The following EDNRA variants were observed in gnomAD, a reference collection of about 807,000 sequenced individuals.
EDNRA encodes endothelin receptor type A.
A neutral mutation model predicts 41.4 loss-of-function variants in EDNRA; 11 were observed. The ratio of observed to expected loss-of-function variants is 0.27; its 90% confidence interval spans 0.17 to 0.44. The LOEUF is 0.44. Ranked by LOEUF, EDNRA falls within the 20% of genes least tolerant of loss-of-function variation. The pLI, the probability that EDNRA is intolerant of heterozygous loss-of-function variation, is 1.00. For missense variants in EDNRA, 294 were observed against 531.0 expected, an observed-to-expected ratio of 0.55 and a Z score of 4.39; for synonymous variants, 172 against 183.0, an observed-to-expected ratio of 0.94 and a Z score of 0.49.
chr4:147,483,328 A>G (rs1171260344), intron 1 of EDNRA, among the ~76,000 whole-genome samples: 20 of 152,216 alleles, frequency 1.3e-4, no homozygotes, highest in Admixed American at 1.2e-3. Flanking sequence ...GTGTCCTGCC[A>G]TTTCTTGGCT....
At chr4:147,493,715 G>T (rs1186480734) in intron 2 of EDNRA, 2 of 152,076 alleles carry the variant, frequency 1.3e-5, no homozygotes, top group Non-Finnish European at 2.9e-5. Context: ...AACTGAATGT[G>T]TCATTCAGCA....
intron 2 of EDNRA, among the ~76,000 whole-genome samples, chr4:147,515,824 C>T (rs1416533869): frequency 6.6e-6 from 1 of 152,214 alleles, no homozygotes; most frequent in African/African-American, 2.4e-5. Flanking sequence ...CTCCATCTGG[C>T]TCTATCCATT....
intron 2 of EDNRA, among the ~76,000 whole-genome samples, chr4:147,502,601 G>A (rs1729553582): frequency 7.0e-6 from 1 of 143,262 alleles, no homozygotes; most frequent in Non-Finnish European, 1.5e-5. Flanking sequence ...ATGAATTGAA[G>A]TAGCTAAGTT....
intron 1 of EDNRA, among the ~76,000 whole-genome samples, chr4:147,483,275 TC>T (rs768925317): frequency 6.6e-6 from 1 of 152,332 alleles, no homozygotes; most frequent in Non-Finnish European, 1.5e-5. Flanking sequence ...TTGATATTTT[TC>T]CCATTTAATC....
chr4:147,539,954 T>C lies in EDNRA; in HGVS notation c.1034+4T>C. On this transcript the variant is annotated splice_donor_region_variant and intron_variant, in intron 6 of 7. Transcript: ENST00000651419. ...AGAACCGATGTGAATTACTTAGGTA[T>C]GATCCTGTGTACTCGCTAGAAAATT... The C allele has an allele frequency of 1.3e-6, 2 of 1,589,286 alleles. No homozygotes were observed. The highest frequency in any genetic ancestry group is 1.7e-6 in the Non-Finnish European group (2 of 1,173,454).
chr4:147,506,832 G>T, intron 2 of EDNRA: 1 of 178,768 alleles, frequency 5.6e-6, no homozygotes. Flanking sequence ...GATACTGGAA[G>T]GCTTGAACAC....
chr4:147,493,424 G>A (rs1229803147), intron 2 of EDNRA: 1 of 152,034 alleles, frequency 6.6e-6, no homozygotes, highest in Non-Finnish European at 1.5e-5. Flanking sequence ...TAAAGAGTGT[G>A]CAAACTAAAA....
At chr4:147,538,840 A>G (rs528120865) in intron 5 of EDNRA, among the ~76,000 whole-genome samples, 1 of 152,234 alleles carries the variant, frequency 6.6e-6, no homozygotes, top group East Asian at 1.9e-4. Context: ...TTAATGTTAT[A>G]TGTTTCAGGT....
At chr4:147,516,498 ATC>A in intron 2 of EDNRA, among the ~76,000 whole-genome samples, 1 of 152,322 alleles carries the variant, frequency 6.6e-6, no homozygotes. Context: ...TGAAAATATG[ATC>A]TGATTTAATG....
chr4:147,488,849 A>C (rs960711820), intron 2 of EDNRA: 4 of 152,128 alleles, frequency 2.6e-5, no homozygotes, highest in Non-Finnish European at 4.4e-5. Context: ...CCCATAGTAA[A>C]ATTCTGTGGG....
intron 5 of EDNRA, among the ~76,000 whole-genome samples, chr4:147,538,462 T>C (rs1165722649): frequency 1.3e-5 from 2 of 152,210 alleles, no homozygotes; most frequent in Non-Finnish European, 2.9e-5. Flanking sequence ...GAATGGATAT[T>C]GGTTAAGCAA....
chr4:147,543,804 C>G lies in EDNRA; in HGVS notation c.*1186C>G, dbSNP rs1731194460. 6.8e-6 allele frequency: 1 copy of G among 146,694 alleles called. No individual in the cohort carries two copies. The highest frequency in any genetic ancestry group is 2.5e-4 in the South Asian group (1 of 4,004). The allele number at this position is 146,694 out of a possible 1,614,324, so 9.1% of individuals were successfully genotyped here. A position where few individuals can be genotyped will look rare whatever the true frequency, so the allele number is the denominator to read the frequency against. ...TTATCATGTCAGTGAAAAATAATTACCCACAAATGCCACCAGAACTTACGA... is the reference window on the plus strand; with the variant it reads ...TTATCATGTCAGTGAAAAATAATTAGCCACAAATGCCACCAGAACTTACGA... On this transcript the variant is annotated 3_prime_UTR_variant, in exon 8 of 8. Transcript: ENST00000651419.
Position 147,481,950 on chromosome 4 carries a change from A to G in EDNRA, c.-71+574A>G, listed in dbSNP as rs139221591. On this transcript the variant is annotated intron_variant, in intron 1 of 7. Transcript: ENST00000651419. Reference sequence around the variant, plus strand: ...TGTTCTGTGCTCGCCTTTAAAGGACACTTGTTGCTTCTCACGTGCAGAAAA... The same window carrying G: ...TGTTCTGTGCTCGCCTTTAAAGGACGCTTGTTGCTTCTCACGTGCAGAAAA... 3.8e-3 allele frequency among the ~76,000 whole-genome samples: 579 copies of G among 152,260 alleles called. 3 individuals carry two copies. The highest frequency in any genetic ancestry group is 6.8e-3 in the Middle Eastern group (2 of 294).
In EDNRA at chr4:147,532,325, CAAAA is replaced by C. The variant is rs59851236; in HGVS notation, c.549-159_549-156del. Among the ~76,000 whole-genome samples, 364 of 60,384 alleles carry C rather than the reference CAAAA, an allele frequency of 6.0e-3. 2 individuals are homozygous for C. Among genetic ancestry groups the C allele is most frequent in the African/African-American group, 0.017 (272 of 15,944 alleles). 39.6% of individuals were successfully genotyped at this position (60,384 alleles called of 152,430 possible). A position where few individuals can be genotyped will look rare whatever the true frequency, so the allele number is the denominator to read the frequency against. ...TGAGCAACAGAGCGAGATTTTGCCT[CAAAA>C]AAAAAAAAAAAAAAAAAAAAACCCA... On this transcript the variant is annotated intron_variant, in intron 3 of 7. Coordinates refer to ENST00000651419, the MANE Select transcript of EDNRA (RefSeq NM_001957.4).
At chr4:147,505,325 T>C (rs1729659834) in intron 2 of EDNRA, among the ~76,000 whole-genome samples, 1 of 137,122 alleles carries the variant, frequency 7.3e-6, no homozygotes, top group Non-Finnish European at 1.5e-5. Flanking sequence ...GTTTCTTTTT[T>C]CATTTTTTTT....
rs1283738737 is a variant in EDNRA at position 147,490,142 on chromosome 4, TACACTCAC to T, written c.420+4046_420+4053del. Reference sequence around the variant, plus strand: ...GAAGTTCCTATAGCCCTTGCTTACATACACTCACACACACACACACACACACACACACA... The same window carrying T: ...GAAGTTCCTATAGCCCTTGCTTACATACACACACACACACACACACACACA... On this transcript the variant is annotated intron_variant, in intron 2 of 7. Coordinates refer to ENST00000651419, the MANE Select transcript of EDNRA (RefSeq NM_001957.4). The T allele has an allele frequency of 6.2e-5, 7 of 113,596 alleles. No homozygotes were observed. The East Asian group carries it at 1.4e-3, about 22-fold the overall frequency. The allele number at this position is 113,596 out of a possible 1,614,324, so 7.0% of individuals were successfully genotyped here. A position where few individuals can be genotyped will look rare whatever the true frequency, so the allele number is the denominator to read the frequency against.
chr4:147,518,082 A>G (rs1056651817), intron 2 of EDNRA, among the ~76,000 whole-genome samples: 2 of 152,196 alleles, frequency 1.3e-5, no homozygotes, highest in African/African-American at 4.8e-5. Flanking sequence ...TCCAGAGTAT[A>G]TCCCATAACC....
chr4:147,482,282 A>T (rs1313395750), intron 1 of EDNRA, among the ~76,000 whole-genome samples: 1 of 152,242 alleles, frequency 6.6e-6, no homozygotes, highest in East Asian at 1.9e-4. Flanking sequence ...TACCAATTAC[A>T]GGTGAACTTT....
Position 147,485,990 on chromosome 4 carries a change from G to A in EDNRA, c.309G>A (p.Arg103=), listed in dbSNP as rs1728934027. ...VGMVGNATLL[R]IIYQNKCMRN... is the part of the protein sequence containing the mutation. Reference sequence around the variant, plus strand: ...TGGTGGGGAATGCAACTCTGCTCAGGATCATTTACCAGAACAAATGTATGA... The same window carrying A: ...TGGTGGGGAATGCAACTCTGCTCAGAATCATTTACCAGAACAAATGTATGA... Residue 103 remains arginine (R), a synonymous_variant, in exon 2 of 8, where the codon AGG becomes AGA. Transcript: ENST00000651419. 1.9e-6 allele frequency: 3 copies of A among 1,614,244 alleles called. No homozygotes were observed. The highest frequency in any genetic ancestry group is 2.5e-6 in the Non-Finnish European group (3 of 1,180,036).
Sources: allele counts gnomAD v4.1 joint callset (sites outside exome capture counted in the v4.1 genomes callset), GRCh38; gene constraint gnomAD v4.1.1; transcripts MANE v1.5; gene names NCBI Gene and HGNC (gene_info 2026-07-23, HGNC 2026-07-21).